The following LHFPL3 variants were observed in gnomAD, a reference collection of about 807,000 sequenced individuals.
The protein encoded by LHFPL3 is LHFPL tetraspan subfamily member 3, also known as LHFPL tetraspan subfamily member 3 protein.
A neutral mutation model predicts 19.3 loss-of-function variants in LHFPL3; 5 were observed. The ratio of observed to expected loss-of-function variants is 0.26; its 90% CI spans 0.14 to 0.54. LHFPL3 has a LOEUF of 0.54. Ranked by LOEUF, LHFPL3 falls within the 20% of genes least tolerant of loss-of-function variation. The pLI, the probability that LHFPL3 is intolerant of heterozygous loss-of-function variation, is 0.94. For missense variants in LHFPL3, 249 were observed against 307.4 expected, an observed-to-expected ratio of 0.81 and a Z score of 1.42; for synonymous variants, 133 against 126.2, an observed-to-expected ratio of 1.05 and a Z score of -0.36.
chr7:104,389,196 A>G (rs536916661), intron 1 of LHFPL3, among the ~76,000 whole-genome samples: 1 of 152,298 alleles, frequency 6.6e-6, no homozygotes, highest in East Asian at 1.9e-4. Flanking sequence ...CAAAATCAAT[A>G]TACAACAATC....
intron 2 of LHFPL3, among the ~76,000 whole-genome samples, chr7:104,871,380 G>A (rs1791833754): frequency 2.6e-5 from 4 of 152,206 alleles, no homozygotes; most frequent in Admixed American, 2.6e-4. Context: ...CATGCATAGA[G>A]CTGGCAGGAC....
intron 1 of LHFPL3, among the ~76,000 whole-genome samples, chr7:104,468,082 A>G (rs1241370992): frequency 6.6e-6 from 1 of 152,250 alleles, no homozygotes; most frequent in African/African-American, 2.4e-5. Context: ...CACTGAAATT[A>G]CTAGAAGAGC....
At chr7:104,880,522 A>T (rs999363992) in intron 2 of LHFPL3, among the ~76,000 whole-genome samples, 2 of 152,292 alleles carry the variant, frequency 1.3e-5, no homozygotes, top group Middle Eastern at 6.8e-3. Context: ...CTCATTTACC[A>T]TTCTGAAAAT....
chr7:104,577,499 T>A (rs1283723165), intron 1 of LHFPL3, among the ~76,000 whole-genome samples: 1 of 152,204 alleles, frequency 6.6e-6, no homozygotes, highest in African/African-American at 2.4e-5. Flanking sequence ...TATATATGTG[T>A]GTACAAGTAT....
At chr7:104,375,776 GGT>G (rs1191320084) in intron 1 of LHFPL3, among the ~76,000 whole-genome samples, 2 of 152,196 alleles carry the variant, frequency 1.3e-5, no homozygotes, top group Non-Finnish European at 2.9e-5. Context: ...GGTTTCTGAA[GGT>G]GAATCTGCCT....
chr7:104,378,450 G>T (rs914104719), intron 1 of LHFPL3, among the ~76,000 whole-genome samples: 6 of 152,140 alleles, frequency 3.9e-5, no homozygotes, highest in Admixed American at 1.3e-4. Context: ...ACCTGTTGAT[G>T]GCATTTCTGT....
chr7:104,623,999 C>A (rs777947228), intron 1 of LHFPL3, among the ~76,000 whole-genome samples: 2 of 152,176 alleles, frequency 1.3e-5, no homozygotes, highest in African/African-American at 2.4e-5. Flanking sequence ...AAACACTGGA[C>A]AAGCGACAGT....
intron 1 of LHFPL3, among the ~76,000 whole-genome samples, chr7:104,603,198 T>C (rs1287249178): frequency 1.3e-5 from 2 of 150,722 alleles, no homozygotes; most frequent in African/African-American, 4.9e-5. Context: ...TTTCTTTCTT[T>C]CTTTCTCTTT....
chr7:104,439,367 A>G (rs1274875835), intron 1 of LHFPL3, among the ~76,000 whole-genome samples: 1 of 145,150 alleles, frequency 6.9e-6, no homozygotes, highest in Non-Finnish European at 1.5e-5. Flanking sequence ...ATGGGTGAAT[A>G]TTCCTCATAA....
intron 1 of LHFPL3, among the ~76,000 whole-genome samples, chr7:104,491,638 G>C (rs9641332): frequency 0.98 from 149,536 of 152,212 alleles, 73,481 homozygotes; most frequent in Middle Eastern, 1. Context: ...ACTCTAGGCT[G>C]TCCCTCCACC....
In LHFPL3 at chr7:104,533,368, C is replaced by G. The variant is rs141858446; in HGVS notation, c.446-203307C>G. 1.7e-4 allele frequency among the ~76,000 whole-genome samples: 26 copies of G among 152,298 alleles called. No individual in the cohort carries two copies. The East Asian group carries it at 5.0e-3, about 29-fold the overall frequency. ...GTACTTATCCATTTACAGTTCCCCACTTCCATTCTTTGTCTTCTGTTCCCC... is the reference window on the plus strand; with the variant it reads ...GTACTTATCCATTTACAGTTCCCCAGTTCCATTCTTTGTCTTCTGTTCCCC... On this transcript the variant is annotated intron_variant, in intron 1 of 2. Coordinates refer to ENST00000424859, the MANE Select transcript of LHFPL3 (RefSeq NM_199000.3).
chr7:104,789,580 T>G (rs936090145), intron 2 of LHFPL3, among the ~76,000 whole-genome samples: 1 of 152,128 alleles, frequency 6.6e-6, no homozygotes, highest in African/African-American at 2.4e-5. Context: ...AAATTTTGGC[T>G]CCTATTTTCG....
chr7:104,368,319 A>C (rs1259701283), intron 1 of LHFPL3, among the ~76,000 whole-genome samples: 1 of 152,064 alleles, frequency 6.6e-6, no homozygotes, highest in Non-Finnish European at 1.5e-5. Context: ...CATGAGATCT[A>C]CCCTCTCATT....
Position 104,398,848 on chromosome 7 carries a change from C to A in LHFPL3, c.445+69624C>A, listed in dbSNP as rs78260528. Reference sequence around the variant, plus strand: ...TGGAAATGTTTTCTGATGCCCGCCCCCCGGCCCTGAATACTCCCTTAGAAG... The same window carrying A: ...TGGAAATGTTTTCTGATGCCCGCCCACCGGCCCTGAATACTCCCTTAGAAG... On this transcript the variant is annotated intron_variant, in intron 1 of 2. Coordinates refer to ENST00000424859, the MANE Select transcript of LHFPL3 (RefSeq NM_199000.3). Among the ~76,000 whole-genome samples the A allele has an allele frequency of 4.9e-3, 533 of 108,762 alleles. 4 individuals are homozygous for A. The highest frequency in any genetic ancestry group is 0.016 in the African/African-American group (505 of 32,228). 71.4% of individuals were successfully genotyped at this position (108,762 alleles called of 152,430 possible). A position where few individuals can be genotyped will look rare whatever the true frequency, so the allele number is the denominator to read the frequency against.
At chr7:104,876,321 A>G (rs867653461) in intron 2 of LHFPL3, among the ~76,000 whole-genome samples, 22 of 152,234 alleles carry the variant, frequency 1.4e-4, no homozygotes, top group African/African-American at 4.8e-4. Context: ...AGCAAAAGAA[A>G]CTACCATCAG....
intron 1 of LHFPL3, among the ~76,000 whole-genome samples, chr7:104,338,852 A>G (rs1789889861): frequency 6.6e-6 from 1 of 152,222 alleles, no homozygotes; most frequent in Non-Finnish European, 1.5e-5. Flanking sequence ...CCATTTAACA[A>G]AAGTATTTAA....
intron 2 of LHFPL3, among the ~76,000 whole-genome samples, chr7:104,850,615 T>C (rs1178603032): frequency 2.0e-5 from 3 of 152,208 alleles, no homozygotes; most frequent in African/African-American, 7.2e-5. Context: ...TAAATTGTTT[T>C]AATTGTTCCA....
At chr7:104,378,619 G>A (rs961497041) in intron 1 of LHFPL3, among the ~76,000 whole-genome samples, 1 of 152,162 alleles carries the variant, frequency 6.6e-6, no homozygotes, top group Non-Finnish European at 1.5e-5. Context: ...CCAGATGGTT[G>A]TACTGTATGA....
chr7:104,537,108 A>G (rs1212616100), intron 1 of LHFPL3, among the ~76,000 whole-genome samples: 2 of 152,162 alleles, frequency 1.3e-5, no homozygotes, highest in African/African-American at 4.8e-5. Context: ...AACCCAAAAA[A>G]CTGGTAGTCC....
Sources: gnomAD v4.1 joint callset for allele counts (sites outside exome capture counted in the v4.1 genomes callset) on GRCh38, gnomAD v4.1.1 for gene constraint, MANE v1.5 for transcripts, NCBI Gene and HGNC (gene_info 2026-07-23, HGNC 2026-07-21) for gene names.